The following SLC12A9 variants were observed in gnomAD, a reference collection of about 807,000 sequenced individuals.
SLC12A9 encodes CCC-interacting protein 1.
A neutral mutation model predicts 66.0 loss-of-function variants in SLC12A9; 55 were observed. That is an observed-to-expected ratio of 0.83 (90% CI 0.67 to 1.04). The LOEUF (loss-of-function observed/expected upper bound fraction) is 1.04. Ranked by LOEUF, SLC12A9 falls within the 50% of genes least tolerant of loss-of-function variation. The pLI is 0.00. For synonymous variants in SLC12A9, 577 were observed against 569.0 expected (o/e 1.01, Z -0.20); for missense variants, 1,061 against 1,241.9 (o/e 0.85, Z 2.19).
At chr7:100,828,551 C>CAAAAAA (rs34743877) in intron 1 of SLC12A9, among the ~76,000 whole-genome samples, 1 of 40,638 alleles carries the variant, frequency 2.5e-5, no homozygotes, top group African/African-American at 1.0e-4. Context: ...GACGAAATCT[C>CAAAAAA]AAAAAAAAAA....
Position 100,861,480 on chromosome 7 carries a change from GC to G in SLC12A9, c.1433del (p.Ala478ValfsTer50), listed in dbSNP as rs778481853. ...GATGTTCCTCATCAGTCCTGGCGCG[GC>G]TGGTGGCTCCCTGCTCCTCATGGGT... ...LMMFLISPGA[A>X]GGSLLLMGLL... On this transcript the variant is annotated frameshift_variant, in exon 11 of 14. Coordinates refer to ENST00000354161, the MANE Select transcript of SLC12A9 (RefSeq NM_020246.4). LOFTEE classifies it high-confidence loss of function. The surrounding 1 kb of genome is among the most constrained non-coding windows in gnomAD (Gnocchi z 5.3). 2 of 1,613,792 alleles carry G rather than the reference GC, an allele frequency of 1.2e-6. No homozygotes were observed. The highest frequency in any genetic ancestry group is 1.7e-6 in the Non-Finnish European group (2 of 1,180,040).
chr7:100,858,751 G>T, intron 5 of SLC12A9, 84 bp from the exon 6 acceptor site: 11 of 1,314,384 alleles, frequency 8.4e-6, no homozygotes, highest in Non-Finnish European at 1.2e-5. Flanking sequence ...GAGGACCGTG[G>T]GAATGTGTGG....
upstream of SLC12A9, among the ~76,000 whole-genome samples, chr7:100,848,274 G>A (rs1295686949): frequency 6.6e-6 from 1 of 151,598 alleles, no homozygotes. Context: ...GGAGGCTGAG[G>A]TGGGAAGATT....
At chr7:100,840,649 G>A (rs1813767106) in intron 1 of SLC12A9, among the ~76,000 whole-genome samples, 1 of 151,536 alleles carries the variant, frequency 6.6e-6, no homozygotes, top group South Asian at 2.1e-4. Context: ...AGGAGAGAGA[G>A]AAAGACAGAG....
intron 1 of SLC12A9, among the ~76,000 whole-genome samples, chr7:100,840,325 G>A (rs545673210): frequency 1.3e-5 from 2 of 152,206 alleles, no homozygotes; most frequent in African/African-American, 4.8e-5. Context: ...ACTATGACAC[G>A]AGGAAAACTT....
At chr7:100,840,640 GGAGA>G (rs770426339) in intron 1 of SLC12A9, among the ~76,000 whole-genome samples, 2 of 151,570 alleles carry the variant, frequency 1.3e-5, no homozygotes, top group Non-Finnish European at 2.9e-5. Flanking sequence ...AGGGAGTCAA[GGAGA>G]GAGAGAAAGA....
chr7:100,861,633 C>G lies in SLC12A9; in HGVS notation c.1536+49C>G. ...GGGGAAATGGGAGGTGGTCAAAGAA[C>G]CCCCTCTCTCTTTGGCTGGAGTTGG... On this transcript the variant is annotated intron_variant, in intron 11 of 13. Coordinates refer to ENST00000354161, the MANE Select transcript of SLC12A9 (RefSeq NM_020246.4). The surrounding 1 kb of genome is among the most constrained non-coding windows in gnomAD (Gnocchi z 5.3). The G allele has an allele frequency of 6.2e-7, 1 of 1,606,182 alleles. No homozygotes were observed. Among genetic ancestry groups the G allele is most frequent in the Admixed American group, 1.7e-5 (1 of 59,852 alleles).
intron 1 of SLC12A9, among the ~76,000 whole-genome samples, chr7:100,827,840 G>T (rs1813458354): frequency 6.6e-6 from 1 of 152,202 alleles, no homozygotes; most frequent in Admixed American, 6.5e-5. Context: ...AACCCGGCTG[G>T]CACCAGGGAG....
chr7:100,865,702 C>A lies in SLC12A9; in HGVS notation c.1859-17C>A. On this transcript the variant is annotated splice_polypyrimidine_tract_variant and intron_variant, in intron 13 of 13. Transcript: ENST00000354161. ...CCTGACTCCTGTCTGTTCCTGCCTT[C>A]CCCGCTCTGCCCCCAGGTGGCATGA... 1 of 1,592,382 alleles carries A rather than the reference C, an allele frequency of 6.3e-7. No homozygotes were observed. Among genetic ancestry groups the A allele is most frequent in the Non-Finnish European group, 8.6e-7 (1 of 1,168,366 alleles).
intron 12 of SLC12A9, 78 bp from the exon 13 acceptor site, chr7:100,862,603 C>A (rs1194624705): frequency 4.5e-6 from 7 of 1,555,842 alleles, no homozygotes; most frequent in Non-Finnish European, 6.2e-6. Flanking sequence ...CCTGCCCAGG[C>A]CCGTCTGTGA....
intron 1 of SLC12A9, among the ~76,000 whole-genome samples, chr7:100,835,447 C>G (rs1399131902): frequency 1.3e-5 from 2 of 149,682 alleles, no homozygotes; most frequent in African/African-American, 4.9e-5. Context: ...GTCAAGAGAT[C>G]GAGACCATCC....
intron 5 of SLC12A9, 67 bp downstream of exon 5, chr7:100,857,243 TA>T: frequency 2.6e-6 from 4 of 1,522,828 alleles, no homozygotes; most frequent in Non-Finnish European, 2.7e-6. Flanking sequence ...GCCGGGCCCG[TA>T]AAACCTCTGG....
At chr7:100,853,911 TAG>T (rs1814226808) in intron 1 of SLC12A9, among the ~76,000 whole-genome samples, 1 of 152,124 alleles carries the variant, frequency 6.6e-6, no homozygotes, top group African/African-American at 2.4e-5. Context: ...GTATTTTTAG[TAG>T]AGACGGGGTT....
In SLC12A9 at chr7:100,854,259, T is replaced by A. The variant is rs201634189; in HGVS notation, c.62T>A (p.Leu21His). Residue 21 changes from leucine (L) to histidine (H), a missense_variant, in exon 2 of 14, where the codon CTC (leucine) becomes CAC (histidine). Physicochemically the swap from Leu to His is moderately conservative, Grantham distance 99. Transcript: ENST00000354161. ...CTCCTGGGGGAGGAGGGGGTTGCCCTCCCTGCCAATGGGGCCGGGGGTCCT... is the reference window on the plus strand; with the variant it reads ...CTCCTGGGGGAGGAGGGGGTTGCCCACCCTGCCAATGGGGCCGGGGGTCCT... The part of the protein sequence containing the change: ...YRLLGEEGVA[L>H]PANGAGGPGG... 10 of 1,581,216 alleles carry A rather than the reference T, an allele frequency of 6.3e-6. No individual in the cohort carries two copies. The highest frequency in any genetic ancestry group is 7.7e-6 in the Non-Finnish European group (9 of 1,171,548).
rs1463982190 is a variant in SLC12A9 at position 100,866,212 on chromosome 7, G to T, written c.2352G>T (p.Arg784=). 6.2e-7 allele frequency: 1 copy of T among 1,610,252 alleles called. No individual in the cohort carries two copies. The highest frequency in any genetic ancestry group is 1.7e-5 in the Admixed American group (1 of 59,832). ...AGGCGCCTGGGGCGGCCGAGGGGCG[G>T]CTGCGGGCACTGCTGAGCCAACTGA... ...PREAPGAAEG[R]LRALLSQLRI... is the part of the protein sequence containing the mutation. The change falls in exon 14 of 14, where the codon CGG becomes CGT. Residue 784 remains arginine, a synonymous_variant. Coordinates refer to ENST00000354161, the MANE Select transcript of SLC12A9 (RefSeq NM_020246.4). The surrounding 1 kb of genome is among the most constrained non-coding windows in gnomAD (Gnocchi z 7.3).
Position 100,864,078 on chromosome 7 carries a change from C to CT in SLC12A9, c.1858+1270dup, listed in dbSNP as rs10598573. ...GTGCAAAAGCAATTGCGGTTTTTGC[C>CT]TTTTTTTTTTTTTTTTTTTGGACAG... is the stretch of plus-strand genomic sequence containing the variant. On this transcript the variant is annotated intron_variant, in intron 13 of 13. Coordinates refer to ENST00000354161, the MANE Select transcript of SLC12A9 (RefSeq NM_020246.4). 3.7e-3 allele frequency among the ~76,000 whole-genome samples: 382 copies of CT among 102,412 alleles called. 4 individuals are homozygous for CT. The highest frequency in any genetic ancestry group is 0.013 in the African/African-American group (336 of 25,508). The allele number at this position is 102,412 out of a possible 152,430, so 67.2% of individuals were successfully genotyped here.
chr7:100,829,118 G>A (rs1216764556), intron 1 of SLC12A9, among the ~76,000 whole-genome samples: 1 of 152,028 alleles, frequency 6.6e-6, no homozygotes, highest in Non-Finnish European at 1.5e-5. Context: ...CTCCCGAGTA[G>A]CTGGGATTAC....
intron 1 of SLC12A9, among the ~76,000 whole-genome samples, chr7:100,830,804 G>T (rs1010903944): frequency 2.0e-5 from 3 of 151,712 alleles, no homozygotes; most frequent in Non-Finnish European, 4.4e-5. Flanking sequence ...TCCCCTTTAC[G>T]TGGAGATGGC....
intron 1 of SLC12A9, among the ~76,000 whole-genome samples, chr7:100,838,606 T>C (rs867227381): frequency 6.6e-6 from 1 of 152,132 alleles, no homozygotes; most frequent in Non-Finnish European, 1.5e-5. Flanking sequence ...CGACCTGGCC[T>C]CTGGGGCTCA....
Sources: gnomAD v4.1 joint callset for allele counts (sites outside exome capture counted in the v4.1 genomes callset) on GRCh38, gnomAD v4.1.1 for gene constraint, Gnocchi (gnomAD v3.1) non-coding constraint, MANE v1.5 for transcripts, NCBI Gene and HGNC (gene_info 2026-07-23, HGNC 2026-07-21) for gene names.